The following AFF2 variants were observed in gnomAD, a reference collection of about 807,000 sequenced individuals.
AFF2 encodes AF4/FMR2 family member 2.
In AFF2, 14 loss-of-function variants were observed where a neutral mutation model predicts 76.9. That is an observed-to-expected ratio of 0.18 (90% CI 0.12 to 0.28). AFF2 has a LOEUF of 0.28. Ranked by LOEUF, AFF2 falls within the 10% of genes least tolerant of loss-of-function variation. The pLI is 1.00. For synonymous variants in AFF2, 398 were observed against 366.7 expected, an observed-to-expected ratio of 1.09 and a Z score of -0.98; for missense variants, 868 against 1,001.1, an observed-to-expected ratio of 0.87 and a Z score of 1.79.
At chrX:148,951,727 T>C (rs1004066089) in intron 9 of AFF2, among the ~76,000 whole-genome samples, 1 of 111,486 alleles carries the variant, frequency 9.0e-6, no homozygotes, top group African/African-American at 3.3e-5. Flanking sequence ...AAGAGAACTT[T>C]GCATAAATAG....
intron 1 of AFF2, among the ~76,000 whole-genome samples, chrX:148,505,073 C>G (rs1001317113): frequency 7.2e-5 from 8 of 111,669 alleles, no homozygotes; most frequent in Non-Finnish European, 1.5e-4. Flanking sequence ...TCCCGTTTTC[C>G]CTCTGTGGTC....
chrX:148,591,330 A>C (rs1205190166), intron 1 of AFF2, among the ~76,000 whole-genome samples: 2 of 111,650 alleles, frequency 1.8e-5, no homozygotes, highest in Admixed American at 9.5e-5. Context: ...GCTTAACTCT[A>C]GGGTAAAGAG....
intron 4 of AFF2, among the ~76,000 whole-genome samples, chrX:148,828,538 A>G (rs5980596): frequency 0.017 from 1,888 of 112,464 alleles, 41 homozygotes; most frequent in African/African-American, 0.058. Flanking sequence ...GTCTTAATAA[A>G]GATTAAAATT....
chrX:148,711,278 G>A (rs1022919503), intron 3 of AFF2, among the ~76,000 whole-genome samples: 11 of 111,644 alleles, frequency 9.9e-5, no homozygotes, highest in South Asian at 3.7e-4. Flanking sequence ...CTTACCCAGT[G>A]ATTCATCATG....
chrX:148,704,342 A>ATATATATATTTATATATATATGTGTG (rs1569553727), intron 3 of AFF2, among the ~76,000 whole-genome samples: 1 of 46,409 alleles, frequency 2.2e-5, no homozygotes, highest in Non-Finnish European at 3.7e-5. Flanking sequence ...ATATGTGTGT[A>ATATATATATTTATATATATATGTGTG]TATATATATT....
At chrX:148,518,453 C>T (rs782053711) in intron 1 of AFF2, among the ~76,000 whole-genome samples, 6 of 112,507 alleles carry the variant, frequency 5.3e-5, no homozygotes, top group Non-Finnish European at 1.1e-4. Flanking sequence ...GTCTGTCAGG[C>T]GAGACATTTA....
At chrX:148,779,605 A>G (rs1299907451) in intron 3 of AFF2, among the ~76,000 whole-genome samples, 1 of 111,247 alleles carries the variant, frequency 9.0e-6, no homozygotes, top group Non-Finnish European at 1.9e-5. Context: ...CTTGATAAAT[A>G]TTCCTTCATC....
chrX:148,888,191 C>A (rs1231490419), intron 8 of AFF2, among the ~76,000 whole-genome samples: 1 of 111,177 alleles, frequency 9.0e-6, no homozygotes, highest in Middle Eastern at 4.2e-3. Context: ...CCCCATTTCC[C>A]CCTCCCCCTA....
At chrX:148,856,005 C>A (rs2070782614) in intron 7 of AFF2, among the ~76,000 whole-genome samples, 1 of 111,512 alleles carries the variant, frequency 9.0e-6, no homozygotes, top group African/African-American at 3.3e-5. Flanking sequence ...ACTTGGGAAG[C>A]CTTTCACTCT....
At chrX:148,507,648 G>C (rs2052434458) in intron 1 of AFF2, among the ~76,000 whole-genome samples, 1 of 111,828 alleles carries the variant, frequency 8.9e-6, no homozygotes, top group South Asian at 3.7e-4. Context: ...GTCCAGCCCT[G>C]GGTTCTTCTA....
intron 3 of AFF2, among the ~76,000 whole-genome samples, chrX:148,805,550 C>G (rs782057934): frequency 2.7e-4 from 30 of 112,099 alleles, no homozygotes; most frequent in Non-Finnish European, 5.3e-4. Flanking sequence ...TTTTTGATAT[C>G]TTGTATTACC....
At chrX:148,675,470 C>G (rs982214308) in intron 3 of AFF2, among the ~76,000 whole-genome samples, 1 of 110,981 alleles carries the variant, frequency 9.0e-6, no homozygotes, top group Admixed American at 9.6e-5. Context: ...GGAGAAGTAG[C>G]TGCTATGCTG....
chrX:148,619,500 A>G (rs2053846084), intron 1 of AFF2, among the ~76,000 whole-genome samples: 1 of 112,397 alleles, frequency 8.9e-6, no homozygotes, highest in South Asian at 3.6e-4. Context: ...CTGTTAACAA[A>G]TAGATTGAGA....
Position 148,821,223 on chromosome X carries a change from T to C in AFF2, c.1086+11303T>C, listed in dbSNP as rs183427528. On this transcript the variant is annotated intron_variant, in intron 4 of 20. Coordinates refer to ENST00000370460, the MANE Select transcript of AFF2 (RefSeq NM_002025.4). Reference sequence around the variant, plus strand: ...AGATAATATGCCCTAATTCTCAGAATTATAGGGACAATTAAATGAGATGAT... The same window carrying C: ...AGATAATATGCCCTAATTCTCAGAACTATAGGGACAATTAAATGAGATGAT... Among the ~76,000 whole-genome samples, 3 of 111,528 alleles carry C rather than the reference T, an allele frequency of 2.7e-5. No individual in the cohort carries two copies. In the East Asian group the frequency reaches 8.5e-4, roughly 32 times the overall value.
intron 3 of AFF2, among the ~76,000 whole-genome samples, chrX:148,681,184 ATACT>A (rs2054542765): frequency 1.8e-5 from 2 of 111,680 alleles, no homozygotes; most frequent in South Asian, 3.7e-4. Flanking sequence ...AAGGATAATA[ATACT>A]TACTTGAGAT....
rs144534167 is a variant in AFF2 at position 148,641,878 on chromosome X, C to T, written c.48-10121C>T. 5.9e-3 allele frequency among the ~76,000 whole-genome samples: 654 copies of T among 111,678 alleles called. 8 individuals carry two copies. Among genetic ancestry groups the T allele is most frequent in the African/African-American group, 0.021 (639 of 30,684 alleles). On this transcript the variant is annotated intron_variant, in intron 1 of 20. Transcript: ENST00000370460. ...TGCCAGTCTTATAGGATTAGGGGCC[C>T]GCCCTAGTCCAGTATGATTTTATTT...
At chrX:148,783,667 A>AT (rs201209692) in intron 3 of AFF2, among the ~76,000 whole-genome samples, 5 of 110,346 alleles carry the variant, frequency 4.5e-5, no homozygotes, top group Admixed American at 1.9e-4. Flanking sequence ...CCAAGATATG[A>AT]TTTTTTTTTA....
rs551762443 is a variant in AFF2 at position 148,809,168 on chromosome X, A to G, written c.1042-708A>G. 4.5e-5 allele frequency among the ~76,000 whole-genome samples: 5 copies of G among 112,105 alleles called. No homozygotes were observed. In the South Asian group the frequency reaches 1.1e-3, roughly 25 times the overall value. The stretch of plus-strand genomic sequence containing the variant: ...TTTCTAGATGGTTGCCTGACTCTCA[A>G]GTTCCTGATCATGCACTGTCTTACA... On this transcript the variant is annotated intron_variant, in intron 3 of 20. Transcript: ENST00000370460.
chrX:148,742,092 T>TA (rs1436367683), intron 3 of AFF2, among the ~76,000 whole-genome samples: 1 of 111,417 alleles, frequency 9.0e-6, no homozygotes, highest in Non-Finnish European at 1.9e-5. Context: ...AATCTGGAGC[T>TA]AAAATTCACA....
Sources: allele counts gnomAD v4.1 joint callset (sites outside exome capture counted in the v4.1 genomes callset), GRCh38; gene constraint gnomAD v4.1.1; transcripts MANE v1.5; gene names NCBI Gene and HGNC (gene_info 2026-07-23, HGNC 2026-07-21).